The following ALPK1 variants were observed in gnomAD, a reference collection of about 807,000 sequenced individuals.
ALPK1 encodes the protein alpha-protein kinase 1.
A neutral mutation model predicts 120.6 loss-of-function variants in ALPK1; 110 were observed. The ratio of observed to expected loss-of-function variants is 0.91; its 90% CI spans 0.78 to 1.07. The LOEUF (loss-of-function observed/expected upper bound fraction) is 1.07, where lower values mean the gene tolerates loss of function less well. Among genes scored for constraint, ALPK1 ranks in the 50% least tolerant of loss-of-function variants. ALPK1 has a pLI of 0.00. For missense variants in ALPK1, 1,498 were observed against 1,483.9 expected (o/e 1.01, Z -0.16); for synonymous variants, 582 against 560.3 (o/e 1.04, Z -0.55).
chr4:112,356,127 A>G, intron 2 of ALPK1: 1 of 1,561,628 alleles, frequency 6.4e-7, no homozygotes, highest in Non-Finnish European at 8.8e-7. Flanking sequence ...TCCTGAGAAC[A>G]GGCTGATATG....
intron 13 of ALPK1, among the ~76,000 whole-genome samples, chr4:112,438,888 G>A (rs231249): frequency 0.68 from 103,145 of 152,020 alleles, 35,148 homozygotes; most frequent in African/African-American, 0.74. Flanking sequence ...CCAAGTGATT[G>A]CTAAGTCAAA....
At chr4:112,406,953 GT>G (rs143848225) in intron 4 of ALPK1, among the ~76,000 whole-genome samples, 2,368 of 152,300 alleles carry the variant, frequency 0.016, 53 homozygotes, top group South Asian at 0.077. Context: ...AAAATGGGAA[GT>G]TTTTCTGGGT....
intron 5 of ALPK1, among the ~76,000 whole-genome samples, chr4:112,418,491 C>A (rs903178197): frequency 6.6e-6 from 1 of 152,140 alleles, no homozygotes; most frequent in Non-Finnish European, 1.5e-5. Flanking sequence ...GAGTCAGGCA[C>A]AGGGAAAGCT....
chr4:112,417,899 G>T (rs1263626385), intron 5 of ALPK1, among the ~76,000 whole-genome samples: 3 of 152,146 alleles, frequency 2.0e-5, no homozygotes, highest in Non-Finnish European at 2.9e-5. Flanking sequence ...ATTTTCAACC[G>T]ACTTAGGTTA....
At chr4:112,395,932 A>C (rs904652075) in intron 4 of ALPK1, among the ~76,000 whole-genome samples, 1 of 152,140 alleles carries the variant, frequency 6.6e-6, no homozygotes, top group Non-Finnish European at 1.5e-5. Flanking sequence ...GCCTTCCCTA[A>C]TGTCAATTGC....
intron 11 of ALPK1, among the ~76,000 whole-genome samples, chr4:112,433,895 G>A (rs906867763): frequency 3.9e-5 from 6 of 152,124 alleles, no homozygotes; most frequent in African/African-American, 1.4e-4. Context: ...TAATGGGTCT[G>A]GAGTGCGGAC....
intron 2 of ALPK1, among the ~76,000 whole-genome samples, chr4:112,316,811 A>G (rs752952464): frequency 8.6e-5 from 13 of 151,804 alleles, no homozygotes; most frequent in Non-Finnish European, 1.6e-4. Context: ...ATTTTTTTTC[A>G]AGCTTTGTCT....
At chr4:112,404,805 A>G (rs1279602998) in intron 4 of ALPK1, among the ~76,000 whole-genome samples, 1 of 152,204 alleles carries the variant, frequency 6.6e-6, no homozygotes, top group East Asian at 1.9e-4. Flanking sequence ...TCTGGGACTC[A>G]GTCAAGTTAG....
chr4:112,386,996 G>GAGAACAGTAA (rs1732181640), intron 4 of ALPK1, among the ~76,000 whole-genome samples: 1 of 152,236 alleles, frequency 6.6e-6, no homozygotes, highest in Admixed American at 6.5e-5. Flanking sequence ...GTCTGTGAAA[G>GAGAACAGTAA]AGAACAGTAA....
chr4:112,392,924 A>G (rs1732486876), intron 4 of ALPK1, among the ~76,000 whole-genome samples: 2 of 152,226 alleles, frequency 1.3e-5, no homozygotes, highest in Admixed American at 6.5e-5. Flanking sequence ...GACAGATTTA[A>G]AAACAAACAA....
At chr4:112,426,391 G>A in intron 7 of ALPK1, 76 bp from the exon 8 acceptor site, 1 of 1,149,178 alleles carries the variant, frequency 8.7e-7, no homozygotes. Flanking sequence ...TGTTTTCAAA[G>A]GTTTTCTCTA....
intron 7 of ALPK1, 40 bp downstream of exon 7, chr4:112,425,791 A>T: frequency 6.5e-7 from 1 of 1,528,408 alleles, no homozygotes; most frequent in Non-Finnish European, 9.0e-7. Context: ...AGGCTCATTT[A>T]CAAAGCCTGG....
At chr4:112,323,383 C>T (rs1299347390) in intron 2 of ALPK1, among the ~76,000 whole-genome samples, 2 of 152,116 alleles carry the variant, frequency 1.3e-5, no homozygotes, top group African/African-American at 2.4e-5. Flanking sequence ...GACCTATTTG[C>T]CTGTCATCTC....
At chr4:112,350,303 G>A (rs1295205388) in intron 2 of ALPK1, among the ~76,000 whole-genome samples, 1 of 152,146 alleles carries the variant, frequency 6.6e-6, no homozygotes, top group Non-Finnish European at 1.5e-5. Context: ...GTTGCAAAAC[G>A]ATCCTTAATC....
chr4:112,304,934 T>A (rs1302011437), intron 1 of ALPK1, among the ~76,000 whole-genome samples: 1 of 152,128 alleles, frequency 6.6e-6, no homozygotes, highest in Non-Finnish European at 1.5e-5. Context: ...GTGTAAGGTG[T>A]AAGGAAGGGA....
chr4:112,364,248 T>TATACAAAAAATAAATA, intron 2 of ALPK1, among the ~76,000 whole-genome samples: 1 of 151,104 alleles, frequency 6.6e-6, no homozygotes, highest in South Asian at 2.1e-4. Flanking sequence ...TATATATTTA[T>TATACAAAAAATAAATA]ATACAAAAAA....
At chr4:112,311,299 A>G (rs1456781645) in intron 1 of ALPK1, among the ~76,000 whole-genome samples, 1 of 152,306 alleles carries the variant, frequency 6.6e-6, no homozygotes, top group African/African-American at 2.4e-5. Context: ...AGTGGCATGC[A>G]TTATTCTTTA....
chr4:112,411,268 AGGCTGGAGTACAGT>A (rs1310414617), intron 4 of ALPK1, among the ~76,000 whole-genome samples: 2 of 152,234 alleles, frequency 1.3e-5, no homozygotes, highest in Non-Finnish European at 2.9e-5. Context: ...TCTGTCGCCC[AGGCTGGAGTACAGT>A]GGCTGGATCT....
chr4:112,361,425 G>A (rs1730907172), intron 2 of ALPK1, among the ~76,000 whole-genome samples: 1 of 152,206 alleles, frequency 6.6e-6, no homozygotes, highest in Non-Finnish European at 1.5e-5. Flanking sequence ...AGCCGGGTGA[G>A]GCCTGTGGCT....
Sources: allele counts gnomAD v4.1 joint callset (sites outside exome capture counted in the v4.1 genomes callset), GRCh38; gene constraint gnomAD v4.1.1; transcripts MANE v1.5; gene names NCBI Gene and HGNC (gene_info 2026-07-23, HGNC 2026-07-21).